LMO7: variants seen among roughly 807,000 people sequenced by gnomAD.
The protein encoded by LMO7 is LIM domain 7.
Under a neutral mutation model 206.5 loss-of-function variants are expected in LMO7, and 120 were observed. The observed-to-expected ratio is 0.58, with a 90% CI of 0.50 to 0.68. The LOEUF (loss-of-function observed/expected upper bound fraction) is 0.68. LMO7 is among the 30% of genes least tolerant of loss of function. The pLI is 0.00. For missense variants in LMO7, 1,959 were observed against 1,957.9 expected, an observed-to-expected ratio of 1.00 and a Z score of -0.01; for synonymous variants, 706 against 681.5, an observed-to-expected ratio of 1.04 and a Z score of -0.56.
At chr13:75,842,628 T>C (rs367892849) in intron 24 of LMO7, among the ~76,000 whole-genome samples, 1 of 152,184 alleles carries the variant, frequency 6.6e-6, no homozygotes, top group East Asian at 1.9e-4. Flanking sequence ...TGGTGGGGAC[T>C]CAGTATGTAT....
In LMO7 at chr13:75,823,742, C is replaced by G. The variant is rs768623176; in HGVS notation, c.2818C>G (p.Pro940Ala). 1.2e-6 allele frequency: 2 copies of G among 1,614,106 alleles called. No individual in the cohort carries two copies. The highest frequency in any genetic ancestry group is 3.3e-5 in the Admixed American group (2 of 60,014). The part of the protein sequence containing the change: ...DVTRLPSPTS[P>A]FSSLSQDQAA... ...GACAAGGCTGCCCTCTCCTACATCC[C>G]CCTTCTCATCTCTTTCCCAAGACCA... is the stretch of plus-strand genomic sequence containing the variant. Residue 940 changes from proline (P) to alanine (A), a missense_variant, in exon 15 of 31, where the codon CCC becomes GCC. Transcript: ENST00000377534.
At chr13:75,639,154 C>T (rs544835659) in intron 1 of LMO7, among the ~76,000 whole-genome samples, 16 of 152,208 alleles carry the variant, frequency 1.1e-4, no homozygotes, top group African/African-American at 3.9e-4. Flanking sequence ...CATTTTCTAT[C>T]TGTGATTTTT....
intron 1 of LMO7, among the ~76,000 whole-genome samples, chr13:75,685,692 A>G (rs1257019472): frequency 1.3e-5 from 2 of 152,084 alleles, no homozygotes; most frequent in African/African-American, 4.8e-5. Context: ...GAGGCCTGGA[A>G]TGGTGGCTGA....
At chr13:75,764,210 T>C (rs1421006082) in intron 4 of LMO7, among the ~76,000 whole-genome samples, 2 of 152,162 alleles carry the variant, frequency 1.3e-5, no homozygotes, top group African/African-American at 4.8e-5. Context: ...AGCAAATTTA[T>C]GATTTAGTCT....
chr13:75,726,967 A>G, intron 2 of LMO7, 62 bp from the exon 3 acceptor site: 1 of 904,118 alleles, frequency 1.1e-6, no homozygotes, highest in Non-Finnish European at 1.8e-6. Context: ...ATTTTTGAGA[A>G]TGCTAACAAA....
chr13:75,676,817 G>A (rs1326520374), intron 1 of LMO7, among the ~76,000 whole-genome samples: 1 of 152,122 alleles, frequency 6.6e-6, no homozygotes, highest in Non-Finnish European at 1.5e-5. Context: ...GGTAGTATAC[G>A]GTGGCAGTTC....
intron 3 of LMO7, among the ~76,000 whole-genome samples, chr13:75,758,381 G>C (rs989344372): frequency 1.3e-5 from 2 of 152,066 alleles, no homozygotes; most frequent in Admixed American, 6.6e-5. Context: ...TAAATTACCA[G>C]TGAGCTCAAA....
At chr13:75,782,720 G>C (rs1459615985) in intron 4 of LMO7, among the ~76,000 whole-genome samples, 4 of 152,106 alleles carry the variant, frequency 2.6e-5, no homozygotes, top group Admixed American at 2.6e-4. Context: ...TCTCTTCTAG[G>C]GATAGCCAAG....
At chr13:75,834,732 CA>C (rs1413412624) in intron 17 of LMO7, among the ~76,000 whole-genome samples, 3 of 152,230 alleles carry the variant, frequency 2.0e-5, no homozygotes, top group Non-Finnish European at 1.5e-5. Context: ...TTATCTGCAG[CA>C]TCATAACCAT....
chr13:75,852,213 T>C (rs187189115), intron 27 of LMO7, among the ~76,000 whole-genome samples: 24 of 152,324 alleles, frequency 1.6e-4, no homozygotes, highest in Admixed American at 7.8e-4. Context: ...GTATTTATTG[T>C]TTTACCTAAG....
At chr13:75,689,355 C>T (rs1566312490) in intron 1 of LMO7, among the ~76,000 whole-genome samples, 1 of 152,162 alleles carries the variant, frequency 6.6e-6, no homozygotes, top group Admixed American at 6.5e-5. Flanking sequence ...ATGCTCATGT[C>T]CTGGGTAGGA....
chr13:75,637,804 A>T (rs1211837754), intron 1 of LMO7, among the ~76,000 whole-genome samples: 1 of 152,232 alleles, frequency 6.6e-6, no homozygotes, highest in Non-Finnish European at 1.5e-5. Context: ...TACGCTAAAT[A>T]AAGGAATGTG....
At position 75,807,828 on chromosome 13, in the gene LMO7, T is replaced by C. The variant is rs1192080905; in HGVS notation, c.1545T>C (p.Asp515=). The change falls in exon 10 of 31, where the codon GAT becomes GAC. Residue 515 remains aspartate, a synonymous_variant. Coordinates refer to ENST00000377534, the MANE Select transcript of LMO7 (RefSeq NM_001306080.2). ...TTGTACTTCCGGATTTGGAAAAAGA[T>C]GATATGATTGTTCGCCGAATTCCAG... ...GELVLPDLEK[D]DMIVRRIPAQ... is the part of the protein sequence containing the mutation. 1.9e-6 allele frequency: 3 copies of C among 1,613,804 alleles called. No homozygotes were observed. The highest frequency in any genetic ancestry group is 1.3e-5 in the African/African-American group (1 of 74,902).
Position 75,636,581 on chromosome 13 carries a change from C to T in LMO7, c.-77C>T, listed in dbSNP as rs557219243. 1.2e-5 allele frequency: 18 copies of T among 1,539,548 alleles called. No individual in the cohort carries two copies. The East Asian group carries it at 2.7e-4, about 23-fold the overall frequency. On this transcript the variant is annotated 5_prime_UTR_variant, in exon 1 of 31. Transcript: ENST00000377534. ...GGGAGGCCCGCGTGCCCTCCCCGCC[C>T]GTGGGGCCCAGACGCGCGGGGACAA...
intron 3 of LMO7, among the ~76,000 whole-genome samples, chr13:75,730,972 G>A (rs1404519874): frequency 7.0e-3 from 980 of 140,144 alleles, no homozygotes; most frequent in African/African-American, 0.017. Context: ...GTTCTAGTTT[G>A]ATTGCCCTGT....
chr13:75,853,504 G>A (rs1421444909), intron 28 of LMO7, 116 bp downstream of exon 28: 1 of 961,794 alleles, frequency 1.0e-6, no homozygotes, highest in African/African-American at 1.7e-5. Flanking sequence ...CCTTTTGAAT[G>A]TGTCAAATTT....
At chr13:75,785,475 C>T (rs548028336) in intron 4 of LMO7, among the ~76,000 whole-genome samples, 1 of 152,148 alleles carries the variant, frequency 6.6e-6, no homozygotes, top group South Asian at 2.1e-4. Flanking sequence ...GCAATTATTA[C>T]AATTATTATA....
chr13:75,838,179 C>T lies in LMO7; in HGVS notation c.3434C>T (p.Ser1145Leu), dbSNP rs138862013. 6.2e-7 allele frequency: 1 copy of T among 1,607,384 alleles called. No homozygotes were observed. The highest frequency in any genetic ancestry group is 2.2e-5 in the East Asian group (1 of 44,794). ...TCTTTGAAAAACTTAAAAAGGCGAT[C>T]ACAATTTTTTGAACAAGGTAAACCA... ...SISLKNLKRR[S>L]QFFEQGSSDS... is the part of the protein sequence containing the mutation. Residue 1145 changes from serine (S) to leucine (L), a missense_variant, in exon 20 of 31, where the codon TCA (serine) becomes TTA (leucine). Transcript: ENST00000377534.
intron 4 of LMO7, among the ~76,000 whole-genome samples, chr13:75,791,558 C>T (rs1473447245): frequency 6.6e-6 from 1 of 152,136 alleles, no homozygotes; most frequent in Non-Finnish European, 1.5e-5. Context: ...TTTTTATGTG[C>T]TTGCCAAGTG....
Sources: gnomAD v4.1 joint callset for allele counts (sites outside exome capture counted in the v4.1 genomes callset) on GRCh38, gnomAD v4.1.1 for gene constraint, MANE v1.5 for transcripts, NCBI Gene and HGNC (gene_info 2026-07-23, HGNC 2026-07-21) for gene names.